Variants in AMBP observed in about 807,000 individuals in gnomAD.
The protein encoded by AMBP is alpha-1-microglobulin/bikunin precursor, also known as protein AMBP.
AMBP carries 37 observed loss-of-function variants against 46.3 expected under a neutral mutation model. The ratio of observed to expected loss-of-function variants is 0.80; its 90% CI spans 0.61 to 1.05. AMBP has a LOEUF of 1.05. Ranked by LOEUF, AMBP falls within the 50% of genes least tolerant of loss-of-function variation. The pLI is 0.00. For missense variants in AMBP, 475 were observed against 461.2 expected, an observed-to-expected ratio of 1.03 and a Z score of -0.27; for synonymous variants, 174 against 175.9, an observed-to-expected ratio of 0.99 and a Z score of 0.09.
chr9:114,076,818 C>G, intron 1 of AMBP, 78 bp from the exon 2 acceptor site: 1 of 1,500,764 alleles, frequency 6.7e-7, no homozygotes, highest in Middle Eastern at 1.7e-4. Flanking sequence ...TGCTCCCCAC[C>G]CTCCACCTCC....
intron 5 of AMBP, chr9:114,069,988 C>T: frequency 1.8e-6 from 1 of 548,124 alleles, no homozygotes; most frequent in South Asian, 2.4e-5. Flanking sequence ...ATTTTATCAG[C>T]ATCATGGAAA....
chr9:114,066,376 C>CATGTGTGTGTGTGTGT (rs369182476), intron 6 of AMBP, among the ~76,000 whole-genome samples: 1 of 141,184 alleles, frequency 7.1e-6, no homozygotes, highest in Non-Finnish European at 1.5e-5. Context: ...TTTATGTGCA[C>CATGTGTGTGTGTGTGT]GTGTGTGTGT....
At chr9:114,070,251 G>T (rs1846730336) in intron 5 of AMBP, among the ~76,000 whole-genome samples, 1 of 152,206 alleles carries the variant, frequency 6.6e-6, no homozygotes, top group Admixed American at 6.5e-5. Flanking sequence ...CAGTGGGGAG[G>T]CACGAGCACT....
intron 4 of AMBP, 138 bp downstream of exon 4, chr9:114,073,898 G>A: frequency 1.3e-6 from 1 of 783,188 alleles, no homozygotes; most frequent in Non-Finnish European, 2.2e-6. Flanking sequence ...GGGAGACTCA[G>A]TGATTGTACC....
At position 114,074,941 on chromosome 9, in the gene AMBP, C is replaced by G. The variant is rs977820709; in HGVS notation, c.337+19G>C. 2.5e-6 allele frequency: 4 copies of G among 1,609,414 alleles called. No individual in the cohort carries two copies. The highest frequency in any genetic ancestry group is 1.3e-5 in the African/African-American group (1 of 74,926). ...CAAGCAAAGGAGAGAATGCATGTGT[C>G]TCTTTCCACTCCACTTACTGGATTT... is the stretch of plus-strand genomic sequence containing the variant. On this transcript the variant is annotated intron_variant, in intron 3 of 9. Coordinates refer to ENST00000265132, the MANE Select transcript of AMBP (RefSeq NM_001633.4).
In AMBP at chr9:114,074,151, T is replaced by C. The variant is rs755014430; in HGVS notation, c.339A>G (p.Lys113=). Residue 113 remains lysine, a splice_region_variant and synonymous_variant, in exon 4 of 10, where the codon AAA becomes AAG. Coordinates refer to ENST00000265132, the MANE Select transcript of AMBP (RefSeq NM_001633.4). Reference sequence around the variant, plus strand: ...CATAGGACTCCATGGTTATGTTCCATTCTGCATGGGAGGTGCAGGCAGACC... The same window carrying C: ...CATAGGACTCCATGGTTATGTTCCACTCTGCATGGGAGGTGCAGGCAGACC... ...TDGKFLYHKS[K]WNITMESYVV... is the part of the protein sequence containing the mutation. 6.2e-7 allele frequency: 1 copy of C among 1,613,664 alleles called. No individual in the cohort carries two copies. The highest frequency in any genetic ancestry group is 2.2e-5 in the East Asian group (1 of 44,886).
chr9:114,062,594 A>G lies in AMBP; in HGVS notation c.685+83T>C, dbSNP rs1161310099. Reference sequence around the variant, plus strand: ...TCTAACAGATAAAGAGACTGCACTGATAAGAGTAGCCAGGGTGAGCCAACT... The same window carrying G: ...TCTAACAGATAAAGAGACTGCACTGGTAAGAGTAGCCAGGGTGAGCCAACT... On this transcript the variant is annotated intron_variant, in intron 7 of 9. Transcript: ENST00000265132. The G allele has an allele frequency of 5.8e-6, 8 of 1,376,700 alleles. 2 individuals carry two copies. The Admixed American group carries it at 1.0e-4, about 18-fold the overall frequency. 85.3% of individuals were successfully genotyped at this position (1,376,700 alleles called of 1,614,324 possible). A position where few individuals can be genotyped will look rare whatever the true frequency, so the allele number is the denominator to read the frequency against.
chr9:114,072,881 G>T, intron 5 of AMBP, 44 bp downstream of exon 5: 1 of 1,586,006 alleles, frequency 6.3e-7, no homozygotes, highest in South Asian at 1.1e-5. Flanking sequence ...GCCCACAAGG[G>T]ACGAAGAGGG....
intron 5 of AMBP, among the ~76,000 whole-genome samples, chr9:114,070,653 G>A (rs1335624634): frequency 6.6e-6 from 1 of 152,162 alleles, no homozygotes; most frequent in Non-Finnish European, 1.5e-5. Context: ...TGGGCCTGGG[G>A]CGTGGAGCTG....
intron 5 of AMBP, among the ~76,000 whole-genome samples, chr9:114,070,159 G>A (rs1008370851): frequency 1.3e-5 from 2 of 152,230 alleles, no homozygotes; most frequent in Admixed American, 6.5e-5. Context: ...CTAGCCAGAG[G>A]CCACACAGCT....
chr9:114,078,143 G>C lies in AMBP; in HGVS notation c.67C>G (p.Pro23Ala), dbSNP rs752590770. ...ACLAVSAGPV[P>A]TPPDNIQVQE... is the part of the protein sequence containing the mutation. ...ACTTGGATGTTGTCGGGCGGCGTTG[G>C]CACAGGGCCAGCGCTCACCGCCAGG... The change falls in exon 1 of 10, where the codon CCA becomes GCA. Residue 23 changes from proline to alanine, a missense_variant. Physicochemically the swap from Pro to Ala is conservative, Grantham distance 27. Around this residue, in one of 3 missense-constraint regions of AMBP, gnomAD observed 179 missense variants for 167.4 expected, o/e 1.07. Transcript: ENST00000265132. 35 of 1,613,700 alleles carry C rather than the reference G, an allele frequency of 2.2e-5. No individual in the cohort carries two copies. Among genetic ancestry groups the C allele is most frequent in the Non-Finnish European group, 2.8e-5 (33 of 1,180,038 alleles).
intron 5 of AMBP, 43 bp from the exon 6 acceptor site, chr9:114,069,788 G>A (rs1394867722): frequency 6.2e-7 from 1 of 1,601,748 alleles, no homozygotes. Context: ...ACAGGACCAG[G>A]CCCAGGGGCC....
In AMBP at chr9:114,074,954, A is replaced by T; in HGVS notation, c.337+6T>A. ...GAATGCATGTGTCTCTTTCCACTCCACTTACTGGATTTGTGATAGAGAAAC... is the reference window on the plus strand; with the variant it reads ...GAATGCATGTGTCTCTTTCCACTCCTCTTACTGGATTTGTGATAGAGAAAC... On this transcript the variant is annotated splice_donor_region_variant and intron_variant, in intron 3 of 9. Transcript: ENST00000265132. 1 of 1,613,256 alleles carries T rather than the reference A, an allele frequency of 6.2e-7. No homozygotes were observed. Among genetic ancestry groups the T allele is most frequent in the Non-Finnish European group, 8.5e-7 (1 of 1,179,170 alleles).
chr9:114,074,896 T>C (rs1215476192), intron 3 of AMBP, 64 bp downstream of exon 3: 10 of 1,425,816 alleles, frequency 7.0e-6, no homozygotes, highest in Middle Eastern at 1.7e-4. Context: ...CAGAGGGAGC[T>C]GAGGACATCA....
At chr9:114,067,407 A>AAAAC (rs371229012) in intron 6 of AMBP, among the ~76,000 whole-genome samples, 3,610 of 152,050 alleles carry the variant, frequency 0.024, 126 homozygotes, top group African/African-American at 0.081. Context: ...TGGCTAATTT[A>AAAAC]AAACAAACAA....
At position 114,061,248 on chromosome 9, in the gene AMBP, T is replaced by C. The variant is rs1212647036; in HGVS notation, c.854-150A>G. ...GAAACTGGGGCCCACAGGAAGAAAA[T>C]GATTTGCCCGAGGTCCTCCACATCC... On this transcript the variant is annotated intron_variant, in intron 8 of 9. Coordinates refer to ENST00000265132, the MANE Select transcript of AMBP (RefSeq NM_001633.4). The C allele has an allele frequency of 2.2e-6, 3 of 1,395,204 alleles. No individual in the cohort carries two copies. In the East Asian group the frequency reaches 7.1e-5, roughly 33 times the overall value. The allele number at this position is 1,395,204 out of a possible 1,614,324, so 86.4% of individuals were successfully genotyped here.
intron 4 of AMBP, 40 bp from the exon 5 acceptor site, chr9:114,073,066 G>C (rs776372201): frequency 6.4e-7 from 1 of 1,566,670 alleles, no homozygotes; most frequent in African/African-American, 1.4e-5. Flanking sequence ...GAACCACCAG[G>C]TGCTTGGAGT....
chr9:114,068,585 G>A (rs1452595864), intron 6 of AMBP, among the ~76,000 whole-genome samples: 1 of 151,698 alleles, frequency 6.6e-6, no homozygotes, highest in East Asian at 1.9e-4. Context: ...CAGCCTGGGT[G>A]ACAGAGTGGG....
At chr9:114,077,782 C>T (rs1846829654) in intron 1 of AMBP, among the ~76,000 whole-genome samples, 1 of 152,318 alleles carries the variant, frequency 6.6e-6, no homozygotes, top group South Asian at 2.1e-4. Context: ...AGCTAGGTGT[C>T]TGCACGGGGG....
Sources: allele counts gnomAD v4.1 joint callset (sites outside exome capture counted in the v4.1 genomes callset), GRCh38; gene constraint gnomAD v4.1.1; regional missense constraint gnomAD v4.1.1; transcripts MANE v1.5; gene names NCBI Gene and HGNC (gene_info 2026-07-23, HGNC 2026-07-21).